The following ZNF543 variants were observed in gnomAD, a reference collection of about 807,000 sequenced individuals.
ZNF543 encodes the protein zinc finger protein 543.
ZNF543 carries 10 observed loss-of-function variants against 13.4 expected under a neutral mutation model. The observed-to-expected ratio is 0.75, with a 90% CI of 0.46 to 1.26. The LOEUF is 1.26. Among genes scored for constraint, ZNF543 ranks in the 50% most tolerant of loss-of-function variants. The probability of loss-of-function intolerance (pLI) is 0.00; values close to 1 mark genes in which losing one functional copy is unlikely to be tolerated. For missense variants in ZNF543, 768 were observed against 741.2 expected (o/e 1.04, Z -0.42); for synonymous variants, 272 against 264.7 (o/e 1.03, Z -0.27).
At chr19:57,325,841 A>G (rs1237591199) in intron 2 of ZNF543, among the ~76,000 whole-genome samples, 1 of 152,116 alleles carries the variant, frequency 6.6e-6, no homozygotes, top group Non-Finnish European at 1.5e-5. Flanking sequence ...CTTCTTGGTA[A>G]GGTTTTTAGG....
At chr19:57,326,109 G>A (rs757715758) in intron 2 of ZNF543, among the ~76,000 whole-genome samples, 1 of 152,172 alleles carries the variant, frequency 6.6e-6, no homozygotes, top group Non-Finnish European at 1.5e-5. Flanking sequence ...TTTGTAGGAT[G>A]GAGATTAAAA....
At chr19:57,326,880 C>T (rs1296486586) in intron 3 of ZNF543, 152 bp downstream of exon 3, 9 of 392,360 alleles carry the variant, frequency 2.3e-5, no homozygotes, top group South Asian at 8.2e-5. Context: ...CCCCCCCACC[C>T]GCCTTCAGAC....
At chr19:57,321,238 T>C (rs1052245403) in intron 1 of ZNF543, among the ~76,000 whole-genome samples, 7 of 152,186 alleles carry the variant, frequency 4.6e-5, no homozygotes, top group African/African-American at 1.7e-4. Context: ...CCGTGCAGTC[T>C]TCTTCCTTTT....
chr19:57,320,742 G>C lies in ZNF543; in HGVS notation c.-112G>C. ...GTGCGCATTTTTCTCTGGGGAAACT[G>C]AGGCTCCGAGTGCGAAAGTCAGCCG... On this transcript the variant is annotated 5_prime_UTR_variant, in exon 1 of 4. Coordinates refer to ENST00000321545, the MANE Select transcript of ZNF543 (RefSeq NM_213598.4). 7.4e-7 allele frequency: 1 copy of C among 1,355,142 alleles called. No individual in the cohort carries two copies. Among genetic ancestry groups the C allele is most frequent in the Non-Finnish European group, 1.0e-6 (1 of 989,410 alleles). The allele number at this position is 1,355,142 out of a possible 1,614,324, so 83.9% of individuals were successfully genotyped here.
Position 57,327,924 on chromosome 19 carries a change from T to A in ZNF543, c.462T>A (p.Arg154=). The change falls in exon 4 of 4, where the codon CGT becomes CGA. Residue 154 remains arginine (R), a synonymous_variant. Transcript: ENST00000321545. ...TGCTGGAGAAAATGAGTTCTGAACGTGATGGTTTGGGGTCAGATGATGGTG... is the reference window on the plus strand; with the variant it reads ...TGCTGGAGAAAATGAGTTCTGAACGAGATGGTTTGGGGTCAGATGATGGTG... ...GKLLEKMSSE[R]DGLGSDDGVC... The A allele has an allele frequency of 1.2e-6, 2 of 1,614,056 alleles. No homozygotes were observed. The highest frequency in any genetic ancestry group is 4.5e-5 in the East Asian group (2 of 44,856).
intron 2 of ZNF543, among the ~76,000 whole-genome samples, chr19:57,324,564 T>C (rs1600052384): frequency 6.6e-6 from 1 of 152,274 alleles, no homozygotes; most frequent in East Asian, 1.9e-4. Context: ...GGAACAACTT[T>C]GTATAGTTTT....
intron 2 of ZNF543, 90 bp downstream of exon 2, chr19:57,323,898 C>T: frequency 6.6e-7 from 1 of 1,508,766 alleles, no homozygotes; most frequent in East Asian, 2.4e-5. Context: ...TGTTCTGAGG[C>T]TCCTGGCACC....
intron 2 of ZNF543, among the ~76,000 whole-genome samples, chr19:57,325,743 G>A (rs945282011): frequency 1.3e-5 from 2 of 152,094 alleles, no homozygotes; most frequent in African/African-American, 4.8e-5. Flanking sequence ...GTAGAGATGG[G>A]GTTTCACCAT....
In ZNF543 at chr19:57,330,424, A is replaced by C. The variant is rs955427056; in HGVS notation, c.*1159A>C. The C allele has an allele frequency of 3.3e-5, 5 of 152,102 alleles. No homozygotes were observed. Among genetic ancestry groups the C allele is most frequent in the Admixed American group, 1.3e-4 (2 of 15,264 alleles). The allele number at this position is 152,102 out of a possible 1,614,324, so 9.4% of individuals were successfully genotyped here. On this transcript the variant is annotated 3_prime_UTR_variant, in exon 4 of 4. Transcript: ENST00000321545. ...TCCACCTCAGTTTTCTAAAGGTCAA[A>C]TTAAGGCCCCCCCAAAAATACAGTA...
Position 57,328,959 on chromosome 19 carries a change from G to A in ZNF543, c.1497G>A (p.Gln499=). 1 of 1,614,128 alleles carries A rather than the reference G, an allele frequency of 6.2e-7. No individual in the cohort carries two copies. Among genetic ancestry groups the A allele is most frequent in the South Asian group, 1.1e-5 (1 of 91,078 alleles). The part of the protein sequence containing the change: ...NRSSHLTRHQ[Q]IHTGEKPYEC... ...GCTCACACCTCACGAGGCACCAACA[G>A]ATTCACACTGGAGAGAAACCCTATG... The change falls in exon 4 of 4, where the codon CAG becomes CAA. Residue 499 remains glutamine (Q), a synonymous_variant. Coordinates refer to ENST00000321545, the MANE Select transcript of ZNF543 (RefSeq NM_213598.4).
At position 57,329,573 on chromosome 19, in the gene ZNF543, C is replaced by T. The variant is rs1021583090; in HGVS notation, c.*308C>T. 1.3e-3 allele frequency: 259 copies of T among 207,156 alleles called. No individual in the cohort carries two copies. The highest frequency in any genetic ancestry group is 4.0e-3 in the Middle Eastern group (2 of 502). 12.8% of individuals were successfully genotyped at this position (207,156 alleles called of 1,614,324 possible). On this transcript the variant is annotated 3_prime_UTR_variant, in exon 4 of 4. Transcript: ENST00000321545. ...TGTCGCCCAGGCTGGAGTGCAGTGG[C>T]GGGATCTCGGCTCACTGCAAGCTCC...
intron 1 of ZNF543, among the ~76,000 whole-genome samples, chr19:57,321,415 G>A (rs2088089470): frequency 6.6e-6 from 1 of 152,170 alleles, no homozygotes. Flanking sequence ...CCCATTTTTG[G>A]CAATGTGTGG....
In ZNF543 at chr19:57,326,679, A is replaced by T. The variant is rs563244751; in HGVS notation, c.192A>T (p.Arg64Ser). ...AGCTGATCTACCAGTTGGATCACAGACAGGAGCTATGGATGGCTACAAAAG... is the reference window on the plus strand; with the variant it reads ...AGCTGATCTACCAGTTGGATCACAGTCAGGAGCTATGGATGGCTACAAAAG... Reference protein sequence around the residue: ...KPELIYQLDHRQELWMATKDL... With the variant: ...KPELIYQLDHSQELWMATKDL... Residue 64 changes from arginine to serine, a missense_variant, in exon 3 of 4, where the codon AGA (arginine) becomes AGT (serine). Physicochemically the swap from Arg to Ser is moderately radical, Grantham distance 110. Coordinates refer to ENST00000321545, the MANE Select transcript of ZNF543 (RefSeq NM_213598.4). 6.2e-7 allele frequency: 1 copy of T among 1,614,108 alleles called. No homozygotes were observed. Among genetic ancestry groups the T allele is most frequent in the East Asian group, 2.2e-5 (1 of 44,878 alleles).
Position 57,328,058 on chromosome 19 carries a change from A to T in ZNF543, c.596A>T (p.Tyr199Phe). The change falls in exon 4 of 4, where the codon TAT (tyrosine) becomes TTT (phenylalanine). Residue 199 changes from tyrosine to phenylalanine, a missense_variant. This residue lies in a region of ZNF543 where 677 missense variants were observed against 631.4 expected (regional missense o/e 1.07). Coordinates refer to ENST00000321545, the MANE Select transcript of ZNF543 (RefSeq NM_213598.4). ...TTGATTCGCGAAGAGAAAAATTCCT[A>T]TAAATGTGAGGAATGCGGGAAAGTG... ...DALIREEKNSYKCEECGKVFK... is the reference protein window; with the variant it reads ...DALIREEKNSFKCEECGKVFK... The T allele has an allele frequency of 6.2e-7, 1 of 1,614,256 alleles. No homozygotes were observed. Among genetic ancestry groups the T allele is most frequent in the Non-Finnish European group, 8.5e-7 (1 of 1,180,038 alleles).
chr19:57,322,146 C>T (rs2088093728), intron 1 of ZNF543, among the ~76,000 whole-genome samples: 1 of 152,176 alleles, frequency 6.6e-6, no homozygotes, highest in African/African-American at 2.4e-5. Flanking sequence ...GTATCCTGAC[C>T]TCAGGGATAC....
At position 57,323,316 on chromosome 19, in the gene ZNF543, C is replaced by T. The variant is rs540553244; in HGVS notation, c.19-366C>T. Among the ~76,000 whole-genome samples, 830 of 152,016 alleles carry T rather than the reference C, an allele frequency of 5.5e-3. 7 individuals are homozygous for T. Among genetic ancestry groups the T allele is most frequent in the African/African-American group, 0.018 (766 of 41,454 alleles). ...ACGCCATTCTCCTGCCTCAGCCTCC[C>T]GAGTAGCTGGGAATACAGGCGCCCG... On this transcript the variant is annotated intron_variant, in intron 1 of 3. Transcript: ENST00000321545.
At position 57,329,450 on chromosome 19, in the gene ZNF543, C is replaced by A; in HGVS notation, c.*185C>A. 1.5e-6 allele frequency: 1 copy of A among 665,878 alleles called. No individual in the cohort carries two copies. Among genetic ancestry groups the A allele is most frequent in the Non-Finnish European group, 2.4e-6 (1 of 421,054 alleles). The allele number at this position is 665,878 out of a possible 1,614,324, so 41.2% of individuals were successfully genotyped here. A position where few individuals can be genotyped will look rare whatever the true frequency, so the allele number is the denominator to read the frequency against. On this transcript the variant is annotated 3_prime_UTR_variant, in exon 4 of 4. Coordinates refer to ENST00000321545, the MANE Select transcript of ZNF543 (RefSeq NM_213598.4). The stretch of plus-strand genomic sequence containing the variant: ...TGAGAGAGACCCAGTGGTTGCTATG[C>A]ACTTAGGAAAACTTTCAGCCACATC...
intron 1 of ZNF543, among the ~76,000 whole-genome samples, chr19:57,323,029 CTTG>C (rs1017364720): frequency 1.9e-4 from 29 of 151,922 alleles, no homozygotes; most frequent in East Asian, 1.9e-4. Context: ...AGGTGCTGTT[CTTG>C]TTGTTGTTGC....
At chr19:57,322,819 C>T (rs150226009) in intron 1 of ZNF543, among the ~76,000 whole-genome samples, 158 of 152,220 alleles carry the variant, frequency 1.0e-3, no homozygotes, top group African/African-American at 3.6e-3. Context: ...GTGGAAAACC[C>T]TGTTGTGTTG....
Sources: allele counts gnomAD v4.1 joint callset (sites outside exome capture counted in the v4.1 genomes callset), GRCh38; gene constraint gnomAD v4.1.1; regional missense constraint gnomAD v4.1.1; transcripts MANE v1.5; gene names NCBI Gene and HGNC (gene_info 2026-07-23, HGNC 2026-07-21).